MCPH1: variants seen among roughly 807,000 people sequenced by gnomAD.
The protein encoded by MCPH1 is microcephalin.
Under a neutral mutation model 84.5 loss-of-function variants are expected in MCPH1, and 104 were observed. The ratio of observed to expected loss-of-function variants is 1.23; its 90% confidence interval spans 1.05 to 1.45. The LOEUF (loss-of-function observed/expected upper bound fraction) is 1.45, where lower values mean the gene tolerates loss of function less well. MCPH1 is among the 40% of genes most tolerant of loss of function. The pLI is 0.00. For missense variants in MCPH1, 1,498 were observed against 1,005.7 expected (o/e 1.49, Z -6.62); for synonymous variants, 514 against 366.8 (o/e 1.40, Z -4.58).
intron 9 of MCPH1, among the ~76,000 whole-genome samples, chr8:6,475,095 G>T (rs903085856): frequency 6.6e-6 from 1 of 152,182 alleles, no homozygotes; most frequent in Non-Finnish European, 1.5e-5. Flanking sequence ...AAGCCAGTCA[G>T]AACAGAACAT....
chr8:6,638,169 TTGTAACC>T (rs1271773235), intron 13 of MCPH1, among the ~76,000 whole-genome samples: 2 of 152,144 alleles, frequency 1.3e-5, no homozygotes, highest in Non-Finnish European at 2.9e-5. Flanking sequence ...CTAGGAATAT[TTGTAACC>T]TGCTGGGCTC....
At chr8:6,449,475 A>G (rs1278612705) in intron 8 of MCPH1, among the ~76,000 whole-genome samples, 1 of 152,064 alleles carries the variant, frequency 6.6e-6, no homozygotes, top group Non-Finnish European at 1.5e-5. Context: ...TTCTACTAAA[A>G]TTACAAAATT....
intron 12 of MCPH1, among the ~76,000 whole-genome samples, chr8:6,529,453 C>CTTT (rs200029751): frequency 7.4e-6 from 1 of 136,030 alleles, no homozygotes; most frequent in African/African-American, 2.7e-5. Context: ...AGCCATTTTT[C>CTTT]TTTTTTTTTT....
chr8:6,606,582 A>C (rs2515550), intron 12 of MCPH1, among the ~76,000 whole-genome samples: 2 of 152,060 alleles, frequency 1.3e-5, no homozygotes, highest in Non-Finnish European at 1.5e-5. Flanking sequence ...GCCCCCTCCC[A>C]CACAGGGAGC....
chr8:6,466,709 G>A (rs1807023003), intron 9 of MCPH1, among the ~76,000 whole-genome samples: 1 of 152,058 alleles, frequency 6.6e-6, no homozygotes, highest in Non-Finnish European at 1.5e-5. Flanking sequence ...AAAGTGCTGG[G>A]ATTACAGGCG....
intron 11 of MCPH1, among the ~76,000 whole-genome samples, chr8:6,496,107 T>A (rs1213994201): frequency 6.6e-6 from 1 of 152,194 alleles, no homozygotes; most frequent in Non-Finnish European, 1.5e-5. Context: ...ATGAAGTAAT[T>A]ATACAACTCA....
intron 13 of MCPH1, among the ~76,000 whole-genome samples, chr8:6,632,782 C>G (rs1030458305): frequency 6.6e-6 from 1 of 151,738 alleles, no homozygotes; most frequent in African/African-American, 2.4e-5. Flanking sequence ...GCACTCCAGC[C>G]TAGGCAACAG....
At chr8:6,607,516 T>A (rs1563181261) in intron 12 of MCPH1, among the ~76,000 whole-genome samples, 1 of 152,186 alleles carries the variant, frequency 6.6e-6, no homozygotes, top group Admixed American at 6.5e-5. Flanking sequence ...TAGCAATGGG[T>A]GAGGAAAGAA....
chr8:6,431,100 T>C (rs1282007467), intron 3 of MCPH1, among the ~76,000 whole-genome samples: 1 of 152,202 alleles, frequency 6.6e-6, no homozygotes, highest in Non-Finnish European at 1.5e-5. Flanking sequence ...AGAGATGTCC[T>C]CTGACTTCAA....
rs76518796 is a variant in MCPH1, at chr8:6,443,839, G to A, written c.671-554G>A. Among the ~76,000 whole-genome samples the A allele has an allele frequency of 3.3e-4, 51 of 152,290 alleles. 1 individual carries two copies. The East Asian group carries it at 9.8e-3, about 29-fold the overall frequency. ...CAGAGGAGTATAGAATATTTAGGAG[G>A]TAGCAGCAGCTTAGCATTACTCTCA... is the stretch of plus-strand genomic sequence containing the variant. On this transcript the variant is annotated intron_variant, in intron 7 of 13. Transcript: ENST00000344683.
chr8:6,409,827 A>G (rs1798286644), intron 2 of MCPH1, among the ~76,000 whole-genome samples: 1 of 152,190 alleles, frequency 6.6e-6, no homozygotes, highest in Non-Finnish European at 1.5e-5. Flanking sequence ...ACATCGTCCC[A>G]TGTCAGGCAT....
At chr8:6,443,859 C>G (rs1214101325) in intron 7 of MCPH1, among the ~76,000 whole-genome samples, 1 of 152,210 alleles carries the variant, frequency 6.6e-6, no homozygotes, top group African/African-American at 2.4e-5. Context: ...CTTAGCATTA[C>G]TCTCAGGAAA....
intron 11 of MCPH1, among the ~76,000 whole-genome samples, chr8:6,485,336 A>G (rs1378669318): frequency 6.6e-6 from 1 of 152,008 alleles, no homozygotes; most frequent in African/African-American, 2.4e-5. Context: ...AAAAAAAAAA[A>G]GTATATCTTA....
At chr8:6,556,972 T>G (rs556458804) in intron 12 of MCPH1, among the ~76,000 whole-genome samples, 2 of 152,330 alleles carry the variant, frequency 1.3e-5, no homozygotes, top group African/African-American at 4.8e-5. Flanking sequence ...CGATAAATAT[T>G]TTTTGAACAA....
At chr8:6,450,623 C>T (rs984742518) in intron 8 of MCPH1, among the ~76,000 whole-genome samples, 1 of 151,698 alleles carries the variant, frequency 6.6e-6, no homozygotes, top group East Asian at 1.9e-4. Context: ...CTGTTTCTCA[C>T]ATCCATTATG....
chr8:6,452,831 G>A (rs1805239276), intron 8 of MCPH1, among the ~76,000 whole-genome samples: 1 of 152,228 alleles, frequency 6.6e-6, no homozygotes, highest in Non-Finnish European at 1.5e-5. Flanking sequence ...TTTTGTTATG[G>A]TAGCCCCAGC....
At chr8:6,591,725 C>G (rs1442045413) in intron 12 of MCPH1, among the ~76,000 whole-genome samples, 1 of 152,200 alleles carries the variant, frequency 6.6e-6, no homozygotes, top group African/African-American at 2.4e-5. Flanking sequence ...CCAAGACACT[C>G]AGCTCCTGCA....
At chr8:6,516,126 G>A (rs1014321308) in intron 12 of MCPH1, among the ~76,000 whole-genome samples, 2 of 152,144 alleles carry the variant, frequency 1.3e-5, no homozygotes, top group Non-Finnish European at 2.9e-5. Context: ...ATTAATGAAA[G>A]TTACATTTAT....
intron 12 of MCPH1, among the ~76,000 whole-genome samples, chr8:6,580,592 A>C (rs1022728285): frequency 6.6e-6 from 1 of 152,200 alleles, no homozygotes; most frequent in African/African-American, 2.4e-5. Context: ...CAGACGTTGC[A>C]GTGAGCTGTG....
Sources: gnomAD v4.1 joint callset for allele counts (sites outside exome capture counted in the v4.1 genomes callset) on GRCh38, gnomAD v4.1.1 for gene constraint, MANE v1.5 for transcripts, NCBI Gene and HGNC (gene_info 2026-07-23, HGNC 2026-07-21) for gene names.